The following TSPYL2 variants were observed in gnomAD, a reference collection of about 807,000 sequenced individuals.
TSPYL2 encodes testis-specific Y-encoded-like protein 2.
Under a neutral mutation model 33.0 loss-of-function variants are expected in TSPYL2, and 9 were observed. That is an observed-to-expected ratio of 0.27 (90% CI 0.16 to 0.48). The LOEUF (loss-of-function observed/expected upper bound fraction) is 0.48. Among genes scored for constraint, TSPYL2 ranks in the 20% least tolerant of loss-of-function variants. The pLI is 0.99. For missense variants in TSPYL2, 636 were observed against 586.2 expected (o/e 1.08, Z -0.88); for synonymous variants, 330 against 233.6 (o/e 1.41, Z -3.77).
In TSPYL2 at chrX:53,087,831, T is replaced by C. The variant is rs1217253921; in HGVS notation, c.1974T>C (p.Ser658=). The part of the protein sequence containing the change: ...YEEGNYEEEG[S]EDVWEEGEDS... ...AAGGAAACTATGAGGAGGAAGGAAGTGAAGATGTCTGGGAAGAAGGGGAAG... is the reference window on the plus strand; with the variant it reads ...AAGGAAACTATGAGGAGGAAGGAAGCGAAGATGTCTGGGAAGAAGGGGAAG... Residue 658 remains serine (S), a synonymous_variant, in exon 7 of 7, where the codon AGT becomes AGC. Transcript: ENST00000375442. The C allele has an allele frequency of 1.7e-6, 2 of 1,211,084 alleles. No homozygotes were observed. The highest frequency in any genetic ancestry group is 3.0e-5 in the East Asian group (1 of 33,819).
rs782648770 is a variant in TSPYL2, at chrX:53,084,751, G to A, written c.886-4G>A. 19 of 1,203,843 alleles carry A rather than the reference G, an allele frequency of 1.6e-5. No individual in the cohort carries two copies. The highest frequency in any genetic ancestry group is 2.1e-5 in the Non-Finnish European group (19 of 889,056). On this transcript the variant is annotated splice_region_variant and splice_polypyrimidine_tract_variant and intron_variant, in intron 2 of 6. Transcript: ENST00000375442. ...GATTCCACCATCACCCCCACCTGGA[G>A]CAGGTACAGGATCTCAGACATATCT...
At chrX:53,086,650 T>G in intron 6 of TSPYL2, 1 of 282,156 alleles carries the variant, frequency 3.5e-6, no homozygotes, top group Non-Finnish European at 6.3e-6. Context: ...GCACAGTCTG[T>G]ACCCGGCCTT....
chrX:53,085,944 C>G lies in TSPYL2; in HGVS notation c.1552C>G (p.Pro518Ala), dbSNP rs782080298. Residue 518 changes from proline to alanine, a missense_variant, in exon 6 of 7, where the codon CCT becomes GCT. Pro to Ala is a conservative substitution (Grantham distance 27, BLOSUM62 -1). Around this residue, in one of 3 missense-constraint regions of TSPYL2, gnomAD observed 401 missense variants for 363.0 expected, o/e 1.10. Coordinates refer to ENST00000375442, the MANE Select transcript of TSPYL2 (RefSeq NM_022117.4). ...NESADDNNEN[P>A]EDNNKNTDDN... is the part of the protein sequence containing the mutation. ...GAGTGCAGATGACAACAACGAGAAT[C>G]CTGAAGACAATAACAAGAACACTGA... is the stretch of plus-strand genomic sequence containing the variant. The G allele has an allele frequency of 2.5e-5, 30 of 1,205,565 alleles. No individual in the cohort carries two copies. The highest frequency in any genetic ancestry group is 2.5e-4 in the Admixed American group (11 of 44,870).
rs1556807151 is a variant in TSPYL2, at chrX:53,082,573, G to A, written c.75G>A (p.Pro25=). ...LSSSESPQRD[P]PPPPPPPPLL... Reference sequence around the variant, plus strand: ...GCTCCGAGTCTCCACAGCGCGACCCGCCCCCGCCGCCGCCGCCGCCGCCGC... The same window carrying A: ...GCTCCGAGTCTCCACAGCGCGACCCACCCCCGCCGCCGCCGCCGCCGCCGC... Residue 25 remains proline (P), a synonymous_variant, in exon 1 of 7, where the codon CCG becomes CCA. Transcript: ENST00000375442. 8.7e-7 allele frequency: 1 copy of A among 1,151,686 alleles called. No individual in the cohort carries two copies. Among genetic ancestry groups the A allele is most frequent in the South Asian group, 1.9e-5 (1 of 52,156 alleles). The allele number at this position is 1,151,686 out of a possible 1,213,427, so 94.9% of individuals were successfully genotyped here.
Position 53,088,532 on chromosome X carries a change from G to A in TSPYL2, c.*593G>A, listed in dbSNP as rs1305230713. 8.8e-6 allele frequency: 1 copy of A among 113,981 alleles called. No homozygotes were observed. Among genetic ancestry groups the A allele is most frequent in the African/African-American group, 3.2e-5 (1 of 31,331 alleles). The allele number at this position is 113,981 out of a possible 1,213,427, so 9.4% of individuals were successfully genotyped here. ...CCTGTTAATCCCAATAAAATTCTGA[G>A]CAAGTTCAGAGTGCCGCTTCGAGTC... is the stretch of plus-strand genomic sequence containing the variant. On this transcript the variant is annotated 3_prime_UTR_variant, in exon 7 of 7. Transcript: ENST00000375442.
rs868974991 is a variant in TSPYL2 at position 53,082,754 on chromosome X, G to T, written c.256G>T (p.Ala86Ser). ...CATTCTCGAGGAGGGGGGGATCCGCGCATACTTCACGCTCGGTGCTGAGTG... is the reference window on the plus strand; with the variant it reads ...CATTCTCGAGGAGGGGGGGATCCGCTCATACTTCACGCTCGGTGCTGAGTG... ...YVILEEGGIR[A>S]YFTLGAECPG... The change falls in exon 1 of 7, where the codon GCA becomes TCA. Residue 86 changes from alanine to serine, a missense_variant. Transcript: ENST00000375442. 8.5e-7 allele frequency: 1 copy of T among 1,182,094 alleles called. No homozygotes were observed.
chrX:53,088,402 G>A lies in TSPYL2; in HGVS notation c.*463G>A, dbSNP rs1278424400. ...TCCATCCCTCTCCTCTTCCCGCCGC[G>A]CCGCTAGCCCGCCTCGGTGTCTATG... On this transcript the variant is annotated 3_prime_UTR_variant, in exon 7 of 7. Coordinates refer to ENST00000375442, the MANE Select transcript of TSPYL2 (RefSeq NM_022117.4). The A allele has an allele frequency of 1.6e-5, 2 of 122,366 alleles. No homozygotes were observed. The highest frequency in any genetic ancestry group is 3.0e-4 in the South Asian group (1 of 3,336). The allele number at this position is 122,366 out of a possible 1,213,427, so 10.1% of individuals were successfully genotyped here.
intron 1 of TSPYL2, 25 bp downstream of exon 1, chrX:53,083,330 A>C (rs1191561499): frequency 8.8e-7 from 1 of 1,133,844 alleles, no homozygotes; most frequent in African/African-American, 1.8e-5. Flanking sequence ...GATACTCCGT[A>C]GGTCAGAAGC....
intron 1 of TSPYL2, among the ~76,000 whole-genome samples, chrX:53,084,118 C>T (rs782537228): frequency 1.8e-5 from 2 of 111,721 alleles, no homozygotes; most frequent in Non-Finnish European, 3.8e-5. Context: ...CACAGGTCCT[C>T]AGCATGTAGA....
intron 5 of TSPYL2, 82 bp downstream of exon 5, chrX:53,085,403 A>C: frequency 1.1e-6 from 1 of 886,981 alleles, no homozygotes; most frequent in Admixed American, 3.1e-5. Flanking sequence ...TGGAGCCAAA[A>C]AGGGACCTTT....
chrX:53,087,527 T>A, intron 6 of TSPYL2: 1 of 391,980 alleles, frequency 2.6e-6, no homozygotes, highest in Non-Finnish European at 4.5e-6. Context: ...ATCAGAGATG[T>A]ATCAGTTTTG....
At position 53,082,408 on chromosome X, in the gene TSPYL2, A is replaced by G. The variant is rs1205772059; in HGVS notation, c.-91A>G. 2.2e-6 allele frequency: 2 copies of G among 919,338 alleles called. No individual in the cohort carries two copies. The highest frequency in any genetic ancestry group is 2.9e-6 in the Non-Finnish European group (2 of 690,581). 75.8% of individuals were successfully genotyped at this position (919,338 alleles called of 1,213,427 possible). A position where few individuals can be genotyped will look rare whatever the true frequency, so the allele number is the denominator to read the frequency against. On this transcript the variant is annotated 5_prime_UTR_variant, in exon 1 of 7. Coordinates refer to ENST00000375442, the MANE Select transcript of TSPYL2 (RefSeq NM_022117.4). ...GAGAGCTGGTTGCGTGAGTCTCCTCAGCTCTGCTTACCGGTGCGACTAGCG... is the reference window on the plus strand; with the variant it reads ...GAGAGCTGGTTGCGTGAGTCTCCTCGGCTCTGCTTACCGGTGCGACTAGCG...
In TSPYL2 at chrX:53,085,863, G is replaced by A. The variant is rs1169578163; in HGVS notation, c.1471G>A (p.Glu491Lys). ...TGACCACAATGAGGTCCCCAACAAC[G>A]AGACCACTGATAACAACGAGAGTGC... Reference protein sequence around the residue: ...NPDHNEVPNNETTDNNESADD... With the variant: ...NPDHNEVPNNKTTDNNESADD... Residue 491 changes from glutamate to lysine, a missense_variant, in exon 6 of 7, where the codon GAG (glutamate) becomes AAG (lysine). Around this residue, in one of 3 missense-constraint regions of TSPYL2, gnomAD observed 401 missense variants for 363.0 expected, o/e 1.10. Transcript: ENST00000375442. The A allele has an allele frequency of 2.5e-6, 3 of 1,209,488 alleles. No homozygotes were observed. Among genetic ancestry groups the A allele is most frequent in the South Asian group, 1.8e-5 (1 of 56,707 alleles).
intron 1 of TSPYL2, 113 bp downstream of exon 1, chrX:53,083,418 C>T (rs1418580935): frequency 1.6e-5 from 12 of 731,177 alleles, no homozygotes; most frequent in East Asian, 3.5e-5. Flanking sequence ...TGGGCATGAT[C>T]CCCCTATCGG....
Position 53,085,029 on chromosome X carries a change from A to G in TSPYL2, c.1073A>G (p.Gln358Arg), listed in dbSNP as rs782391917. ...CCCCAGGCCCGTCGTCACGGGAACC[A>G]GGATGCGAGCCACAGCTTTTTCAGC... is the stretch of plus-strand genomic sequence containing the variant. ...QEPQARRHGN[Q>R]DASHSFFSWF... The change falls in exon 4 of 7, where the codon CAG (glutamine) becomes CGG (arginine). Residue 358 changes from glutamine to arginine, a missense_variant. Transcript: ENST00000375442. 8.3e-7 allele frequency: 1 copy of G among 1,211,736 alleles called. No individual in the cohort carries two copies. The highest frequency in any genetic ancestry group is 1.1e-6 in the Non-Finnish European group (1 of 895,445).
In TSPYL2 at chrX:53,085,320, C is replaced by T. The variant is rs782653091; in HGVS notation, c.1237C>T (p.Arg413Cys). 5.8e-6 allele frequency: 7 copies of T among 1,199,311 alleles called. No homozygotes were observed. Among genetic ancestry groups the T allele is most frequent in the Middle Eastern group, 2.3e-4 (1 of 4,286 alleles). ...IKRKKQEMKK[R>C]KTRGRCEVVI... is the part of the protein sequence containing the mutation. Reference sequence around the variant, plus strand: ...GAGAAAGAAGCAAGAAATGAAGAAACGGTAATGGGAGTTTGGTCGCTGAGA... The same window carrying T: ...GAGAAAGAAGCAAGAAATGAAGAAATGGTAATGGGAGTTTGGTCGCTGAGA... The change falls in exon 5 of 7, where the codon CGT (arginine) becomes TGT (cysteine). Residue 413 changes from arginine (R) to cysteine (C), a missense_variant and splice_region_variant. This residue lies in a region of TSPYL2 where 401 missense variants were observed against 363.0 expected (regional missense o/e 1.10). Transcript: ENST00000375442.
chrX:53,084,829 CATG>C lies in TSPYL2; in HGVS notation c.961_963del (p.Met321del). 8.3e-7 allele frequency: 1 copy of C among 1,211,586 alleles called. No homozygotes were observed. The highest frequency in any genetic ancestry group is 1.1e-6 in the Non-Finnish European group (1 of 895,351). On this transcript the variant is annotated inframe_deletion, in exon 3 of 7. Transcript: ENST00000375442. ...TCCAGACTAACCCCTACTTCACAAACATGGTGATTGTCAAGGAGTTCCAGCGCA... is the reference window on the plus strand; with the variant it reads ...TCCAGACTAACCCCTACTTCACAAACGTGATTGTCAAGGAGTTCCAGCGCA...
chrX:53,083,937 A>C lies in TSPYL2; in HGVS notation c.808-608A>C, dbSNP rs782411089. ...GAAGGAAAGGGGAGAGTAGACACAT[A>C]CACATACATGTAACATGTTAGGAAC... On this transcript the variant is annotated intron_variant, in intron 1 of 6. Transcript: ENST00000375442. Among the ~76,000 whole-genome samples the C allele has an allele frequency of 4.5e-5, 5 of 112,126 alleles. No homozygotes were observed. The East Asian group carries it at 1.1e-3, about 25-fold the overall frequency.
At position 53,083,115 on chromosome X, in the gene TSPYL2, A is replaced by G. The variant is rs782342028; in HGVS notation, c.617A>G (p.Glu206Gly). 8.3e-7 allele frequency: 1 copy of G among 1,210,523 alleles called. No individual in the cohort carries two copies. Among genetic ancestry groups the G allele is most frequent in the Non-Finnish European group, 1.1e-6 (1 of 895,024 alleles). Residue 206 changes from glutamate (E) to glycine (G), a missense_variant, in exon 1 of 7, where the codon GAG becomes GGG. Transcript: ENST00000375442. ...AGGAAGGTGAAGAGGGAAAGCAGAG[A>G]GAGAAATGCCGAGAGGATGGAGAGC... ...KQRKVKRESR[E>G]RNAERMESIL... is the part of the protein sequence containing the mutation.
Sources: allele counts gnomAD v4.1 joint callset (sites outside exome capture counted in the v4.1 genomes callset), GRCh38; gene constraint gnomAD v4.1.1; regional missense constraint gnomAD v4.1.1; transcripts MANE v1.5; gene names NCBI Gene and HGNC (gene_info 2026-07-23, HGNC 2026-07-21).